The following FGD6 variants were observed in gnomAD, a reference collection of about 807,000 sequenced individuals.
FGD6 encodes the protein FYVE, RhoGEF and PH domain-containing protein 6.
In FGD6, 90 loss-of-function variants were observed where a neutral mutation model predicts 149.4. The observed-to-expected ratio is 0.60, with a 90% CI of 0.51 to 0.72. The LOEUF is 0.72. Ranked by LOEUF, FGD6 falls within the 30% of genes least tolerant of loss-of-function variation. The pLI is 0.00. For missense variants in FGD6, 1,437 were observed against 1,684.8 expected (o/e 0.85, Z 2.57); for synonymous variants, 527 against 584.0 (o/e 0.90, Z 1.41).
chr12:95,156,144 T>C (rs886109007), intron 3 of FGD6, among the ~76,000 whole-genome samples: 1 of 152,172 alleles, frequency 6.6e-6, no homozygotes, highest in Non-Finnish European at 1.5e-5. Flanking sequence ...ATATAAAATC[T>C]GGGCACCTTG....
chr12:95,199,306 A>C (rs549385367), intron 2 of FGD6, among the ~76,000 whole-genome samples: 3 of 152,318 alleles, frequency 2.0e-5, no homozygotes, highest in African/African-American at 7.2e-5. Flanking sequence ...TCTAAACTTT[A>C]ATGATCCTAA....
At chr12:95,092,644 G>A (rs1878094419) in intron 16 of FGD6, 55 bp downstream of exon 16, 1 of 1,573,804 alleles carries the variant, frequency 6.4e-7, no homozygotes, top group South Asian at 1.2e-5. Context: ...TCCTCACTAT[G>A]TACAGCCTGG....
At chr12:95,203,166 A>C (rs1004573610) in intron 2 of FGD6, among the ~76,000 whole-genome samples, 2 of 152,192 alleles carry the variant, frequency 1.3e-5, no homozygotes, top group Non-Finnish European at 2.9e-5. Flanking sequence ...TCAAATTTAA[A>C]ATGGGGAGAA....
At chr12:95,164,087 T>C (rs928405919) in intron 3 of FGD6, among the ~76,000 whole-genome samples, 3 of 152,214 alleles carry the variant, frequency 2.0e-5, no homozygotes, top group Non-Finnish European at 4.4e-5. Context: ...TACACTGTTG[T>C]GGAAGTTGAA....
At chr12:95,168,797 TC>T (rs1206459229) in intron 3 of FGD6, among the ~76,000 whole-genome samples, 3 of 152,368 alleles carry the variant, frequency 2.0e-5, no homozygotes, top group African/African-American at 7.2e-5. Flanking sequence ...CCACTTTTTT[TC>T]CTCTTCTTTT....
intron 2 of FGD6, 32 bp from the exon 3 acceptor site, chr12:95,172,776 C>T: frequency 7.2e-6 from 11 of 1,529,128 alleles, no homozygotes; most frequent in Non-Finnish European, 9.7e-6. Flanking sequence ...TATTAGTCAC[C>T]TTCAATAATA....
At chr12:95,133,462 C>A (rs557983412) in intron 8 of FGD6, among the ~76,000 whole-genome samples, 6 of 152,124 alleles carry the variant, frequency 3.9e-5, no homozygotes, top group Admixed American at 1.3e-4. Context: ...AGTGCTGAAG[C>A]CTTTTCCCTA....
intron 2 of FGD6, among the ~76,000 whole-genome samples, chr12:95,186,222 C>CTTTTTTTTT (rs1565918752): frequency 9.7e-5 from 1 of 10,300 alleles, no homozygotes; most frequent in Non-Finnish European, 1.5e-4. Context: ...TTCTTATATT[C>CTTTTTTTTT]TTCTTCTTTT....
rs752528919 is a variant in FGD6, at chr12:95,107,033, T to A, written c.3338A>T (p.Asn1113Ile). ...TGGTGTTGTATACAGCAGGGCATCATTAAACTGAAAGTAGAAACATTTCAG... is the reference window on the plus strand; with the variant it reads ...TGGTGTTGTATACAGCAGGGCATCAATAAACTGAAAGTAGAAACATTTCAG... ...VMQPRMFFLF[N>I]DALLYTTPVQ... is the part of the protein sequence containing the mutation. The change falls in exon 13 of 21, where the codon AAT becomes ATT. Residue 1113 changes from asparagine to isoleucine, a missense_variant. Physicochemically the swap from Asn to Ile is moderately radical, Grantham distance 149. Around this residue, in one of 2 missense-constraint regions of FGD6, gnomAD observed 382 missense variants for 538.7 expected, o/e 0.71. Coordinates refer to ENST00000343958, the MANE Select transcript of FGD6 (RefSeq NM_018351.4). The A allele has an allele frequency of 1.4e-5, 22 of 1,608,000 alleles. No homozygotes were observed. The highest frequency in any genetic ancestry group is 2.2e-5 in the South Asian group (2 of 89,516).
intron 8 of FGD6, chr12:95,126,431 A>T: frequency 1.7e-6 from 2 of 1,181,446 alleles, no homozygotes; most frequent in Non-Finnish European, 2.3e-6. Flanking sequence ...TTTAAAAAAA[A>T]CAAACAAAAA....
At chr12:95,167,188 G>A (rs1203555898) in intron 3 of FGD6, among the ~76,000 whole-genome samples, 1 of 152,056 alleles carries the variant, frequency 6.6e-6, no homozygotes, top group Non-Finnish European at 1.5e-5. Flanking sequence ...GAATAATGCT[G>A]TTATGAACAT....
intron 11 of FGD6, among the ~76,000 whole-genome samples, chr12:95,107,937 T>C (rs1677472113): frequency 6.6e-6 from 1 of 152,150 alleles, no homozygotes; most frequent in Middle Eastern, 3.2e-3. Context: ...ATTTTGTAAT[T>C]TTCCCGAATT....
chr12:95,209,032 A>G lies in FGD6; in HGVS notation c.2252T>C (p.Ile751Thr). 1 of 1,614,168 alleles carries G rather than the reference A, an allele frequency of 6.2e-7. No homozygotes were observed. Among genetic ancestry groups the G allele is most frequent in the Non-Finnish European group, 8.5e-7 (1 of 1,180,022 alleles). The change falls in exon 2 of 21, where the codon ATA becomes ACA. Residue 751 changes from isoleucine (I) to threonine (T), a missense_variant. Physicochemically the swap from Ile to Thr is moderately conservative, Grantham distance 89 (BLOSUM62 -1). Coordinates refer to ENST00000343958, the MANE Select transcript of FGD6 (RefSeq NM_018351.4). Reference sequence around the variant, plus strand: ...CTCTGGTATTTCCTCATAATGGCGTATATTTTCATACTCCGGTGCACAGAG... The same window carrying G: ...CTCTGGTATTTCCTCATAATGGCGTGTATTTTCATACTCCGGTGCACAGAG... ...TSLCAPEYEN[I>T]RHYEEIPEYE...
At chr12:95,151,832 A>C (rs987701143) in intron 5 of FGD6, among the ~76,000 whole-genome samples, 7 of 152,138 alleles carry the variant, frequency 4.6e-5, no homozygotes, top group Admixed American at 1.3e-4. Flanking sequence ...ATTTTCATCT[A>C]CCTTTTCCTT....
At chr12:95,193,602 C>T (rs1336916301) in intron 2 of FGD6, among the ~76,000 whole-genome samples, 2 of 150,440 alleles carry the variant, frequency 1.3e-5, no homozygotes, top group African/African-American at 4.9e-5. Context: ...GATCTTGGCT[C>T]ACTGCAACTT....
At chr12:95,148,134 G>A (rs559820130) in intron 5 of FGD6, among the ~76,000 whole-genome samples, 22 of 152,068 alleles carry the variant, frequency 1.4e-4, no homozygotes, top group African/African-American at 5.1e-4. Flanking sequence ...ACAGAAGCTA[G>A]AGAAAGATTC....
intron 2 of FGD6, among the ~76,000 whole-genome samples, chr12:95,195,345 A>G (rs987354904): frequency 6.6e-6 from 1 of 152,120 alleles, no homozygotes; most frequent in Non-Finnish European, 1.5e-5. Context: ...TTGAGGCCAC[A>G]GGACTTCACC....
intron 2 of FGD6, among the ~76,000 whole-genome samples, chr12:95,193,185 A>G (rs1419351899): frequency 1.3e-5 from 2 of 152,182 alleles, no homozygotes; most frequent in African/African-American, 4.8e-5. Flanking sequence ...TATTCACACA[A>G]AAACCTGAAT....
At chr12:95,125,870 G>T in intron 8 of FGD6, 1 of 1,177,178 alleles carries the variant, frequency 8.5e-7, no homozygotes, top group Non-Finnish European at 1.3e-6. Context: ...ACAGGGCTTT[G>T]GTTGGTGGAC....
Sources: allele counts gnomAD v4.1 joint callset (sites outside exome capture counted in the v4.1 genomes callset), GRCh38; gene constraint gnomAD v4.1.1; regional missense constraint gnomAD v4.1.1; transcripts MANE v1.5; gene names NCBI Gene and HGNC (gene_info 2026-07-23, HGNC 2026-07-21).